Variants in CACNA1D observed in about 807,000 individuals in gnomAD.
CACNA1D encodes voltage-dependent L-type calcium channel subunit alpha-1D.
A neutral mutation model predicts 257.1 loss-of-function variants in CACNA1D; 55 were observed. That is an observed-to-expected ratio of 0.21 (90% CI 0.17 to 0.27). The LOEUF is 0.27. CACNA1D is among the 10% of genes least tolerant of loss of function. The pLI, the probability that CACNA1D is intolerant of heterozygous loss-of-function variation, is 1.00. For synonymous variants in CACNA1D, 980 were observed against 1,014.9 expected (o/e 0.97, Z 0.65); for missense variants, 1,876 against 2,784.0 (o/e 0.67, Z 7.34).
At chr3:53,624,129 A>G (rs2093730025) in intron 3 of CACNA1D, among the ~76,000 whole-genome samples, 2 of 152,172 alleles carry the variant, frequency 1.3e-5, no homozygotes, top group Non-Finnish European at 2.9e-5. Flanking sequence ...TGCCAGATAC[A>G]TCCTTCTAGA....
At chr3:53,507,830 A>G (rs1476679798) in intron 3 of CACNA1D, among the ~76,000 whole-genome samples, 2 of 152,184 alleles carry the variant, frequency 1.3e-5, no homozygotes, top group African/African-American at 4.8e-5. Context: ...TTAGAGTATT[A>G]GCCAGAACTC....
At chr3:53,697,256 G>A (rs2094581039) in intron 8 of CACNA1D, among the ~76,000 whole-genome samples, 1 of 152,190 alleles carries the variant, frequency 6.6e-6, no homozygotes, top group Admixed American at 6.5e-5. Context: ...ATGCTTCTGG[G>A]CGATCCCAGC....
At chr3:53,776,981 A>C (rs1441175436) in intron 37 of CACNA1D, 25 bp downstream of exon 37, 1 of 1,545,904 alleles carries the variant, frequency 6.5e-7, no homozygotes, top group South Asian at 1.1e-5. Context: ...TGCGTGTCTG[A>C]CAGCCTGTCT....
chr3:53,747,939 A>G (rs1361686553), intron 26 of CACNA1D, among the ~76,000 whole-genome samples: 3 of 152,178 alleles, frequency 2.0e-5, no homozygotes, highest in Non-Finnish European at 2.9e-5. Flanking sequence ...AAAAATGTCT[A>G]ACTGGGCTCT....
chr3:53,781,529 T>C, intron 38 of CACNA1D, 37 bp from the exon 39 acceptor site: 1 of 1,382,324 alleles, frequency 7.2e-7, no homozygotes, highest in Non-Finnish European at 1.0e-6. Context: ...GGAACAGAAA[T>C]GAGGCTTGCT....
intron 3 of CACNA1D, among the ~76,000 whole-genome samples, chr3:53,512,780 T>C (rs1328512417): frequency 1.3e-5 from 2 of 152,224 alleles, no homozygotes; most frequent in Admixed American, 1.3e-4. Flanking sequence ...GAGTCAACTT[T>C]TCATTATCTC....
At chr3:53,562,379 T>C (rs2092755493) in intron 3 of CACNA1D, among the ~76,000 whole-genome samples, 1 of 152,234 alleles carries the variant, frequency 6.6e-6, no homozygotes, top group African/African-American at 2.4e-5. Context: ...ACAGATACAG[T>C]CCATATTCTC....
chr3:53,690,566 A>G (rs2094510041), intron 8 of CACNA1D, among the ~76,000 whole-genome samples: 1 of 152,094 alleles, frequency 6.6e-6, no homozygotes, highest in Admixed American at 6.5e-5. Flanking sequence ...CTTCCCACCC[A>G]CCGTGCCTTT....
intron 3 of CACNA1D, among the ~76,000 whole-genome samples, chr3:53,505,356 G>A (rs1394215341): frequency 2.0e-5 from 3 of 151,936 alleles, no homozygotes; most frequent in African/African-American, 4.8e-5. Context: ...TGATCTGCCC[G>A]CCTCGGCCTC....
At chr3:53,627,466 C>T (rs796570536) in intron 3 of CACNA1D, among the ~76,000 whole-genome samples, 1 of 152,082 alleles carries the variant, frequency 6.6e-6, no homozygotes, top group East Asian at 1.9e-4. Context: ...ATCTTGCAAA[C>T]GTGATTGTCT....
intron 3 of CACNA1D, among the ~76,000 whole-genome samples, chr3:53,565,607 C>T (rs554404912): frequency 1.8e-4 from 27 of 152,202 alleles, no homozygotes; most frequent in East Asian, 3.9e-4. Context: ...AGTTCAGTTG[C>T]GCTGATAATT....
chr3:53,594,115 A>G (rs112847886), intron 3 of CACNA1D, among the ~76,000 whole-genome samples: 9,019 of 152,220 alleles, frequency 0.059, 898 homozygotes, highest in African/African-American at 0.21. Flanking sequence ...GTGTGTGTAA[A>G]GGCTAATGGA....
chr3:53,497,558 C>G (rs1012998831), intron 2 of CACNA1D, 97 bp downstream of exon 2: 25 of 1,254,938 alleles, frequency 2.0e-5, no homozygotes, highest in Admixed American at 5.3e-5. Flanking sequence ...CTGTAGCAGT[C>G]TGGAATGCGA....
intron 4 of CACNA1D, among the ~76,000 whole-genome samples, chr3:53,651,647 C>G (rs1344862484): frequency 6.6e-6 from 1 of 152,172 alleles, no homozygotes; most frequent in African/African-American, 2.4e-5. Flanking sequence ...AAAAATGAAT[C>G]CATGTTACAG....
intron 45 of CACNA1D, 71 bp from the exon 46 acceptor site, chr3:53,808,578 C>T: frequency 6.3e-7 from 1 of 1,593,184 alleles, no homozygotes; most frequent in Non-Finnish European, 8.5e-7. Flanking sequence ...CCGGGGCCAC[C>T]CTGACTCTGA....
intron 3 of CACNA1D, among the ~76,000 whole-genome samples, chr3:53,593,428 A>T (rs2093332695): frequency 6.6e-6 from 1 of 152,156 alleles, no homozygotes; most frequent in Admixed American, 6.5e-5. Flanking sequence ...GGAATTAAAT[A>T]ACTCCCCCCA....
intron 3 of CACNA1D, among the ~76,000 whole-genome samples, chr3:53,583,316 C>A (rs766245109): frequency 6.6e-6 from 1 of 151,966 alleles, no homozygotes; most frequent in Admixed American, 6.5e-5. Context: ...CCTGCCTGGT[C>A]CCTACCTGAC....
intron 3 of CACNA1D, among the ~76,000 whole-genome samples, chr3:53,593,201 C>T (rs2093329264): frequency 6.6e-6 from 1 of 152,122 alleles, no homozygotes; most frequent in Non-Finnish European, 1.5e-5. Flanking sequence ...GTCATTCCTA[C>T]CTATAGGTAG....
chr3:53,660,966 C>T (rs1457442984), intron 5 of CACNA1D, among the ~76,000 whole-genome samples: 7 of 152,188 alleles, frequency 4.6e-5, no homozygotes, highest in Non-Finnish European at 1.0e-4. Context: ...AGTGCCAGGC[C>T]CCAGTGTGCT....
Sources: allele counts gnomAD v4.1 joint callset (sites outside exome capture counted in the v4.1 genomes callset), GRCh38; gene constraint gnomAD v4.1.1; transcripts MANE v1.5; gene names NCBI Gene and HGNC (gene_info 2026-07-23, HGNC 2026-07-21).